FNTB: variants seen among roughly 807,000 people sequenced by gnomAD.
The protein encoded by FNTB is protein farnesyltransferase subunit beta.
A neutral mutation model predicts 59.4 loss-of-function variants in FNTB; 27 were observed. That is an observed-to-expected ratio of 0.45 (90% CI 0.34 to 0.63). FNTB has a LOEUF of 0.63. Among genes scored for constraint, FNTB ranks in the 20% least tolerant of loss-of-function variants. The pLI is 0.02. For synonymous variants in FNTB, 230 were observed against 220.7 expected (o/e 1.04, Z -0.37); for missense variants, 449 against 559.6 (o/e 0.80, Z 1.99).
chr14:65,028,427 C>T lies in FNTB; in HGVS notation c.605+646C>T, dbSNP rs1012888885. ...ATAAGCCATTTCTCTAAGACAGTGGCTTATTGAGATTTTATGCCATTTTCT... is the reference window on the plus strand; with the variant it reads ...ATAAGCCATTTCTCTAAGACAGTGGTTTATTGAGATTTTATGCCATTTTCT... On this transcript the variant is annotated intron_variant, in intron 6 of 11. Transcript: ENST00000246166. The surrounding 1 kb of genome is among the most constrained non-coding windows in gnomAD (Gnocchi z 4.4). Among the ~76,000 whole-genome samples, 3 of 152,156 alleles carry T rather than the reference C, an allele frequency of 2.0e-5. No homozygotes were observed. Among genetic ancestry groups the T allele is most frequent in the African/African-American group, 7.2e-5 (3 of 41,428 alleles).
chr14:65,005,461 CTTTCTT>C (rs1555390056), intron 2 of FNTB, among the ~76,000 whole-genome samples: 1 of 111,824 alleles, frequency 8.9e-6, no homozygotes, highest in Non-Finnish European at 1.7e-5. Context: ...TTCTTTCTTT[CTTTCTT>C]TCTTTCTTTC....
chr14:64,997,551 T>C lies in FNTB; in HGVS notation c.145-6698T>C, dbSNP rs1047098673. ...GTCATTCTTTATTGCAAGGCTGTGG[T>C]CTTAGTGAATTGATTGTGTCTGTGC... is the stretch of plus-strand genomic sequence containing the variant. On this transcript the variant is annotated intron_variant, in intron 1 of 11. Transcript: ENST00000246166. The surrounding 1 kb of genome is among the most constrained non-coding windows in gnomAD (Gnocchi z 4.5). 1.1e-4 allele frequency among the ~76,000 whole-genome samples: 17 copies of C among 152,220 alleles called. No homozygotes were observed. Among genetic ancestry groups the C allele is most frequent in the Non-Finnish European group, 2.2e-4 (15 of 68,046 alleles).
Position 65,062,087 on chromosome 14 carries a change from TCCTC to T in FNTB, c.*779_*782del, listed in dbSNP as rs2062875097. On this transcript the variant is annotated 3_prime_UTR_variant, in exon 12 of 12. Coordinates refer to ENST00000246166, the MANE Select transcript of FNTB (RefSeq NM_002028.4). The surrounding 1 kb of genome is among the most constrained non-coding windows in gnomAD (Gnocchi z 4.3). ...GCCCTCCAGTGCCCACCTGCCTCAC[TCCTC>T]CCTATCATGTACCGTGAAAACCCCC... The T allele has an allele frequency of 6.6e-6, 1 of 152,346 alleles. No homozygotes were observed. The highest frequency in any genetic ancestry group is 1.5e-5 in the Non-Finnish European group (1 of 68,194). The allele number at this position is 152,346 out of a possible 1,614,324, so 9.4% of individuals were successfully genotyped here.
intron 7 of FNTB, among the ~76,000 whole-genome samples, chr14:65,040,197 A>G (rs2062312851): frequency 6.6e-6 from 1 of 151,752 alleles, no homozygotes. Flanking sequence ...ATAAAAGATC[A>G]CTAGAATCAA....
intron 11 of FNTB, among the ~76,000 whole-genome samples, chr14:65,057,516 G>C (rs540388534): frequency 1.3e-5 from 2 of 152,294 alleles, no homozygotes; most frequent in African/African-American, 4.8e-5. Flanking sequence ...TTTTGGGGGA[G>C]GGTAGGTGAG....
rs2062101510 is a variant in FNTB at position 65,032,218 on chromosome 14, G to A, written c.606-392G>A. The A allele has an allele frequency of 6.2e-6, 1 of 161,830 alleles. No homozygotes were observed. Among genetic ancestry groups the A allele is most frequent in the Non-Finnish European group, 1.3e-5 (1 of 74,514 alleles). The allele number at this position is 161,830 out of a possible 1,614,324, so 10.0% of individuals were successfully genotyped here. A position where few individuals can be genotyped will look rare whatever the true frequency, so the allele number is the denominator to read the frequency against. ...AAACAGAAATCCTGGCTCTGAAACA[G>A]TACTAACATCCAAATGAATGAGCAT... On this transcript the variant is annotated intron_variant, in intron 6 of 11. Transcript: ENST00000246166. This position sits in a 1 kb window ranked among gnomAD's most constrained non-coding sequence, Gnocchi z 5.0.
At chr14:65,056,535 T>C (rs1377916781) in intron 11 of FNTB, among the ~76,000 whole-genome samples, 2 of 152,154 alleles carry the variant, frequency 1.3e-5, no homozygotes, top group African/African-American at 4.8e-5. Flanking sequence ...TTGATGGGTG[T>C]GAAGTGGTAT....
At chr14:65,015,070 C>CT (rs1566870488) in intron 3 of FNTB, among the ~76,000 whole-genome samples, 1 of 151,248 alleles carries the variant, frequency 6.6e-6, no homozygotes, top group South Asian at 2.1e-4. Flanking sequence ...TCAGGGTCAT[C>CT]TTTTTTTTAA....
Position 65,012,479 on chromosome 14 carries a change from G to C in FNTB, c.282+90G>C, listed in dbSNP as rs1050900604. The C allele has an allele frequency of 6.5e-7, 1 of 1,533,596 alleles. No individual in the cohort carries two copies. The highest frequency in any genetic ancestry group is 1.4e-5 in the African/African-American group (1 of 72,970). The allele number at this position is 1,533,596 out of a possible 1,614,324, so 95.0% of individuals were successfully genotyped here. A position where few individuals can be genotyped will look rare whatever the true frequency, so the allele number is the denominator to read the frequency against. On this transcript the variant is annotated intron_variant, in intron 3 of 11. Coordinates refer to ENST00000246166, the MANE Select transcript of FNTB (RefSeq NM_002028.4). This position sits in a 1 kb window ranked among gnomAD's most constrained non-coding sequence, Gnocchi z 5.0. Reference sequence around the variant, plus strand: ...TTAAACGTAAAAGACTGTTGGGGCTGACCTGTTGCAGAGTCACTCTTTGTT... The same window carrying C: ...TTAAACGTAAAAGACTGTTGGGGCTCACCTGTTGCAGAGTCACTCTTTGTT...
chr14:65,059,043 G>C (rs1359815974), intron 11 of FNTB, among the ~76,000 whole-genome samples: 3 of 151,890 alleles, frequency 2.0e-5, no homozygotes, highest in Non-Finnish European at 4.4e-5. Flanking sequence ...CTTTTTCAGA[G>C]ACATGATCTC....
intron 1 of FNTB, among the ~76,000 whole-genome samples, chr14:64,993,077 C>T (rs1380702485): frequency 1.3e-5 from 2 of 152,104 alleles, no homozygotes; most frequent in Non-Finnish European, 2.9e-5. Context: ...TATCCGCCCA[C>T]CTTGGACTCC....
At chr14:64,999,779 G>A (rs1250748616) in intron 1 of FNTB, among the ~76,000 whole-genome samples, 1 of 152,172 alleles carries the variant, frequency 6.6e-6, no homozygotes, top group Non-Finnish European at 1.5e-5. Context: ...GTAATACACA[G>A]ATAGTCATCA....
intron 9 of FNTB, among the ~76,000 whole-genome samples, chr14:65,049,796 C>T (rs1023633731): frequency 6.6e-6 from 1 of 151,936 alleles, no homozygotes; most frequent in Non-Finnish European, 1.5e-5. Context: ...TAAATAATAG[C>T]TTTGTTGAGA....
intron 4 of FNTB, among the ~76,000 whole-genome samples, chr14:65,022,521 TA>T (rs2139555981): frequency 6.6e-6 from 1 of 152,238 alleles, no homozygotes; most frequent in East Asian, 1.9e-4. Flanking sequence ...TTGTCTGTAA[TA>T]TTAAGCTTTT....
Position 65,061,436 on chromosome 14 carries a change from T to C in FNTB, c.*124T>C. ...AGCCTCAGTGGAGCTGTGGTTCTCT[T>C]GGTACTTTCTTGTCAAACAAAACCA... On this transcript the variant is annotated 3_prime_UTR_variant, in exon 12 of 12. Transcript: ENST00000246166. 1 of 1,426,268 alleles carries C rather than the reference T, an allele frequency of 7.0e-7. No individual in the cohort carries two copies. Among genetic ancestry groups the C allele is most frequent in the Non-Finnish European group, 9.3e-7 (1 of 1,080,396 alleles). The allele number at this position is 1,426,268 out of a possible 1,614,324, so 88.4% of individuals were successfully genotyped here. A position where few individuals can be genotyped will look rare whatever the true frequency, so the allele number is the denominator to read the frequency against.
chr14:65,059,938 A>G (rs888811704), intron 11 of FNTB, among the ~76,000 whole-genome samples: 1 of 150,982 alleles, frequency 6.6e-6, no homozygotes, highest in African/African-American at 2.4e-5. Flanking sequence ...GGTTCAAGCA[A>G]TTCTCCTGCT....
chr14:65,061,081 T>C, intron 11 of FNTB, 100 bp from the exon 12 acceptor site: 2 of 1,539,190 alleles, frequency 1.3e-6, no homozygotes, highest in African/African-American at 2.7e-5. Flanking sequence ...TCTGATTCCT[T>C]ATACTAAATT....
At chr14:65,002,009 C>G (rs1033652940) in intron 1 of FNTB, among the ~76,000 whole-genome samples, 2 of 152,208 alleles carry the variant, frequency 1.3e-5, no homozygotes, top group African/African-American at 4.8e-5. Context: ...GTAGATGATT[C>G]ATATCACTGC....
At chr14:65,000,538 G>A (rs1210522896) in intron 1 of FNTB, among the ~76,000 whole-genome samples, 1 of 152,010 alleles carries the variant, frequency 6.6e-6, no homozygotes, top group African/African-American at 2.4e-5. Flanking sequence ...TAGTTACCCA[G>A]GGCCAGGTGA....
Sources: allele counts gnomAD v4.1 joint callset (sites outside exome capture counted in the v4.1 genomes callset), GRCh38; gene constraint gnomAD v4.1.1; non-coding constraint Gnocchi (gnomAD v3.1); transcripts MANE v1.5; gene names NCBI Gene and HGNC (gene_info 2026-07-23, HGNC 2026-07-21).